OLFML2A: variants seen among roughly 807,000 people sequenced by gnomAD.
OLFML2A encodes olfactomedin like 2A.
A neutral mutation model predicts 60.9 loss-of-function variants in OLFML2A; 47 were observed. The observed-to-expected ratio is 0.77, with a 90% CI of 0.61 to 0.98. The LOEUF (loss-of-function observed/expected upper bound fraction) is 0.98. Among genes scored for constraint, OLFML2A ranks in the 50% least tolerant of loss-of-function variants. The pLI is 0.00. For missense variants in OLFML2A, 922 were observed against 879.8 expected (o/e 1.05, Z -0.61); for synonymous variants, 372 against 375.0 (o/e 0.99, Z 0.09).
chr9:124,785,041 C>T (rs1378500582), intron 1 of OLFML2A, among the ~76,000 whole-genome samples: 1 of 139,498 alleles, frequency 7.2e-6, no homozygotes, highest in Non-Finnish European at 1.5e-5. Context: ...GCAGGCTTGA[C>T]CTCCCAGGCT....
chr9:124,805,668 T>TAC (rs1841879178), intron 6 of OLFML2A, among the ~76,000 whole-genome samples: 1 of 152,086 alleles, frequency 6.6e-6, no homozygotes, highest in African/African-American at 2.4e-5. Flanking sequence ...CTGCAGTGTA[T>TAC]ACTGCTCAGG....
At chr9:124,799,625 G>T in intron 4 of OLFML2A, 134 bp downstream of exon 4, 2 of 712,002 alleles carry the variant, frequency 2.8e-6, no homozygotes. Flanking sequence ...GGCACAGCCA[G>T]AGAGTCCCTG....
chr9:124,799,150 C>T, intron 3 of OLFML2A, 135 bp from the exon 4 acceptor site: 1 of 617,724 alleles, frequency 1.6e-6, no homozygotes, highest in Non-Finnish European at 2.9e-6. Flanking sequence ...CCTGCTCATG[C>T]TCACTGCGGC....
chr9:124,809,221 C>G (rs1241053115), intron 7 of OLFML2A, among the ~76,000 whole-genome samples: 2 of 152,062 alleles, frequency 1.3e-5, no homozygotes, highest in Non-Finnish European at 2.9e-5. Context: ...CCTCCGCTAG[C>G]TCAAAATTGG....
chr9:124,800,608 T>G (rs1841755276), intron 4 of OLFML2A, among the ~76,000 whole-genome samples: 1 of 152,268 alleles, frequency 6.6e-6, no homozygotes, highest in Non-Finnish European at 1.5e-5. Context: ...CAACTGGGAC[T>G]GCCTAGATGC....
chr9:124,800,847 T>A, intron 4 of OLFML2A: 1 of 1,428,174 alleles, frequency 7.0e-7, no homozygotes, highest in East Asian at 2.7e-5. Flanking sequence ...GAAGTGAAAA[T>A]AACAAAACAC....
At chr9:124,789,745 GT>G (rs1841538517) in intron 2 of OLFML2A, among the ~76,000 whole-genome samples, 1 of 152,194 alleles carries the variant, frequency 6.6e-6, no homozygotes, top group African/African-American at 2.4e-5. Context: ...TTCAACTTCA[GT>G]TTTGTTTTTG....
chr9:124,784,185 GT>G (rs922565289), intron 1 of OLFML2A, among the ~76,000 whole-genome samples: 4 of 151,680 alleles, frequency 2.6e-5, no homozygotes, highest in African/African-American at 7.3e-5. Flanking sequence ...CACAGAGGTA[GT>G]TTTTTTCTTT....
At chr9:124,808,675 A>G (rs1443634037) in intron 7 of OLFML2A, among the ~76,000 whole-genome samples, 1 of 152,112 alleles carries the variant, frequency 6.6e-6, no homozygotes, top group Admixed American at 6.6e-5. Flanking sequence ...GAGTAGGAGT[A>G]AGCCATGCGG....
intron 4 of OLFML2A, among the ~76,000 whole-genome samples, chr9:124,800,676 C>T (rs1311550133): frequency 6.6e-6 from 1 of 152,252 alleles, no homozygotes; most frequent in Non-Finnish European, 1.5e-5. Flanking sequence ...TGCTCATTCC[C>T]GTGCCAATTC....
At chr9:124,806,953 G>T (rs1284938096) in intron 6 of OLFML2A, among the ~76,000 whole-genome samples, 1 of 151,240 alleles carries the variant, frequency 6.6e-6, no homozygotes, top group African/African-American at 2.4e-5. Flanking sequence ...TTGCTCTGTT[G>T]CCTAGGTTGG....
In OLFML2A at chr9:124,810,029, G is replaced by A. The variant is rs371591494; in HGVS notation, c.1576G>A (p.Asp526Asn). ...ACACTCGGACATTGACTTTGCCGTG[G>A]ACGAGAGCGGCCTGTGGGTCATCTA... is the stretch of plus-strand genomic sequence containing the variant. The part of the protein sequence containing the change: ...RGHSDIDFAV[D>N]ESGLWVIYPA... The change falls in exon 8 of 8, where the codon GAC becomes AAC. Residue 526 changes from aspartate (D) to asparagine (N), a missense_variant. Coordinates refer to ENST00000373580, the MANE Select transcript of OLFML2A (RefSeq NM_182487.4). 1.2e-6 allele frequency: 2 copies of A among 1,613,966 alleles called. No individual in the cohort carries two copies. Among genetic ancestry groups the A allele is most frequent in the Admixed American group, 1.7e-5 (1 of 60,002 alleles).
chr9:124,803,210 G>A (rs189935991), intron 5 of OLFML2A, among the ~76,000 whole-genome samples: 1 of 151,828 alleles, frequency 6.6e-6, no homozygotes, highest in African/African-American at 2.4e-5. Flanking sequence ...CGCCCGGCCG[G>A]TGTCACAAAA....
At chr9:124,807,050 A>G (rs930414983) in intron 6 of OLFML2A, among the ~76,000 whole-genome samples, 2 of 151,996 alleles carry the variant, frequency 1.3e-5, no homozygotes, top group African/African-American at 4.8e-5. Flanking sequence ...AGTAGCTGGG[A>G]CTACAGGCGC....
intron 1 of OLFML2A, among the ~76,000 whole-genome samples, chr9:124,785,419 A>T (rs1841449474): frequency 1.1e-5 from 1 of 94,732 alleles, no homozygotes; most frequent in African/African-American, 4.4e-5. Context: ...TTTTTTTGAG[A>T]CGGAGTCTCA....
chr9:124,795,081 G>A lies in OLFML2A; in HGVS notation c.412G>A (p.Val138Met). The A allele has an allele frequency of 6.2e-7, 1 of 1,609,546 alleles. No homozygotes were observed. The highest frequency in any genetic ancestry group is 8.5e-7 in the Non-Finnish European group (1 of 1,177,724). The change falls in exon 3 of 8, where the codon GTG becomes ATG. Residue 138 changes from valine (V) to methionine (M), a missense_variant. Val to Met is a conservative substitution (Grantham distance 21). Coordinates refer to ENST00000373580, the MANE Select transcript of OLFML2A (RefSeq NM_182487.4). Reference sequence around the variant, plus strand: ...CCTGTACAGCATGGACTTGATGAAGGTGCACGCCTACGTCCACAAGGTGGC... The same window carrying A: ...CCTGTACAGCATGGACTTGATGAAGATGCACGCCTACGTCCACAAGGTGGC... ...GTLYSMDLMKVHAYVHKVASQ... is the reference protein window; with the variant it reads ...GTLYSMDLMKMHAYVHKVASQ...
At chr9:124,778,574 C>T (rs1016349467) in intron 1 of OLFML2A, among the ~76,000 whole-genome samples, 13 of 151,164 alleles carry the variant, frequency 8.6e-5, no homozygotes, top group East Asian at 7.8e-4. Context: ...ATTAGCTGGG[C>T]GCAGTGGCAC....
At position 124,811,473 on chromosome 9, in the gene OLFML2A, C is replaced by T. The variant is rs1430118415; in HGVS notation, c.*1061C>T. On this transcript the variant is annotated 3_prime_UTR_variant, in exon 8 of 8. Coordinates refer to ENST00000373580, the MANE Select transcript of OLFML2A (RefSeq NM_182487.4). ...AGTCTGGTGTGGTGCCAGGATGGCA[C>T]AGTTTCCCTCTTCCTTGCCAGCCCT... 6.5e-6 allele frequency: 1 copy of T among 152,830 alleles called. No homozygotes were observed. Among genetic ancestry groups the T allele is most frequent in the East Asian group, 1.9e-4 (1 of 5,196 alleles). 9.5% of individuals were successfully genotyped at this position (152,830 alleles called of 1,614,324 possible).
rs565705133 is a variant in OLFML2A, at chr9:124,791,859, T to C, written c.355-3165T>C. On this transcript the variant is annotated intron_variant, in intron 2 of 7. Transcript: ENST00000373580. ...TTGCTCTGTCAAGTGGCTACAAAAG[T>C]TCCTAAAAAACCTACTCCCATTTTC... Among the ~76,000 whole-genome samples, 30 of 152,064 alleles carry C rather than the reference T, an allele frequency of 2.0e-4. 1 individual carries two copies. The South Asian group carries it at 5.8e-3, about 29-fold the overall frequency.
Sources: gnomAD v4.1 joint callset for allele counts (sites outside exome capture counted in the v4.1 genomes callset) on GRCh38, gnomAD v4.1.1 for gene constraint, MANE v1.5 for transcripts, NCBI Gene and HGNC (gene_info 2026-07-23, HGNC 2026-07-21) for gene names.